The following ZNF420 variants were observed in gnomAD, a reference collection of about 807,000 sequenced individuals.
ZNF420 encodes ATM and p53-associated KZNF protein.
In ZNF420, 31 loss-of-function variants were observed where a neutral mutation model predicts 44.7. The observed-to-expected ratio is 0.69, with a 90% CI of 0.52 to 0.94. ZNF420 has a LOEUF of 0.94. ZNF420 is among the 40% of genes least tolerant of loss of function. The pLI is 0.00. For missense variants in ZNF420, 681 were observed against 827.9 expected (o/e 0.82, Z 2.18); for synonymous variants, 245 against 267.4 (o/e 0.92, Z 0.82).
chr19:37,084,265 C>T (rs902679366), intron 2 of ZNF420, among the ~76,000 whole-genome samples: 5 of 152,050 alleles, frequency 3.3e-5, no homozygotes, highest in South Asian at 2.1e-4. Flanking sequence ...TTAAAGTTCC[C>T]GAAAATAATC....
At chr19:37,107,885 T>C (rs956818399) in intron 4 of ZNF420, among the ~76,000 whole-genome samples, 9 of 152,126 alleles carry the variant, frequency 5.9e-5, no homozygotes, top group Non-Finnish European at 1.2e-4. Flanking sequence ...AATTTGGAAA[T>C]GTCTAAAGTG....
intron 1 of ZNF420, among the ~76,000 whole-genome samples, chr19:37,056,076 CTCTCACTCTCTG>C (rs1282078471): frequency 2.7e-5 from 4 of 150,178 alleles, no homozygotes; most frequent in Non-Finnish European, 5.9e-5. Flanking sequence ...CTCTCTCTGT[CTCTCACTCTCTG>C]TCTCTCTCTC....
At position 37,130,263 on chromosome 19, in the gene ZNF420, T is replaced by C. The variant is rs751954326; in HGVS notation, c.*1205T>C. The C allele has an allele frequency of 6.8e-7, 1 of 1,472,116 alleles. No individual in the cohort carries two copies. Among genetic ancestry groups the C allele is most frequent in the Non-Finnish European group, 9.0e-7 (1 of 1,109,796 alleles). 91.2% of individuals were successfully genotyped at this position (1,472,116 alleles called of 1,614,324 possible). A position where few individuals can be genotyped will look rare whatever the true frequency, so the allele number is the denominator to read the frequency against. ...GACTTTGTGGAACAGCCATACTAGC[T>C]CTGGTCTGCTTGCCTCCTGTTTCTC... is the stretch of plus-strand genomic sequence containing the variant. On this transcript the variant is annotated 3_prime_UTR_variant, in exon 5 of 5. Coordinates refer to ENST00000337995, the MANE Select transcript of ZNF420 (RefSeq NM_144689.5).
chr19:37,127,114 C>T lies in ZNF420; in HGVS notation c.137-14C>T, dbSNP rs760630791. 2 of 1,449,308 alleles carry T rather than the reference C, an allele frequency of 1.4e-6. No homozygotes were observed. Among genetic ancestry groups the T allele is most frequent in the Non-Finnish European group, 1.8e-6 (2 of 1,098,398 alleles). The allele number at this position is 1,449,308 out of a possible 1,614,324, so 89.8% of individuals were successfully genotyped here. A position where few individuals can be genotyped will look rare whatever the true frequency, so the allele number is the denominator to read the frequency against. On this transcript the variant is annotated splice_polypyrimidine_tract_variant and intron_variant, in intron 4 of 4. Coordinates refer to ENST00000337995, the MANE Select transcript of ZNF420 (RefSeq NM_144689.5). ...TTATATTTCTCAATTTTTTTATTCT[C>T]TCTTATCTTTCAGACTTGCCTTCAA...
intron 4 of ZNF420, among the ~76,000 whole-genome samples, chr19:37,122,908 AC>A (rs1207529955): frequency 6.6e-5 from 10 of 152,198 alleles, no homozygotes; most frequent in African/African-American, 2.4e-4. Context: ...TCACATACTT[AC>A]ACATTTGTGT....
intron 1 of ZNF420, among the ~76,000 whole-genome samples, chr19:37,024,015 G>A (rs2074667780): frequency 6.6e-6 from 1 of 152,044 alleles, no homozygotes; most frequent in Admixed American, 6.6e-5. Context: ...TACCCCTCCA[G>A]CATGAACATC....
Position 37,051,476 on chromosome 19 carries a change from C to T in ZNF420, c.-124-28869C>T, listed in dbSNP as rs927113342. The stretch of plus-strand genomic sequence containing the variant: ...GGGCGTATGTGTTGAGGAATTTATC[C>T]GTTTCTTCTAGATTTTCAGTTTATT... On this transcript the variant is annotated intron_variant, in intron 1 of 4. Coordinates refer to the ZNF420 transcript ENST00000587029. 3.9e-5 allele frequency among the ~76,000 whole-genome samples: 6 copies of T among 152,098 alleles called. No individual in the cohort carries two copies. The East Asian group carries it at 7.7e-4, about 19-fold the overall frequency.
chr19:37,085,712 G>A (rs867826814), intron 2 of ZNF420, among the ~76,000 whole-genome samples: 2 of 151,734 alleles, frequency 1.3e-5, no homozygotes, highest in Non-Finnish European at 2.9e-5. Context: ...CTTAGTATCC[G>A]GTAGTTTTAA....
intron 1 of ZNF420, among the ~76,000 whole-genome samples, chr19:37,050,055 T>G (rs112561186): frequency 1.3e-5 from 2 of 152,206 alleles, no homozygotes; most frequent in South Asian, 4.2e-4. Flanking sequence ...TGAGGGCTCT[T>G]TTCTGTTCCA....
At chr19:37,056,429 C>T (rs950109934) in intron 1 of ZNF420, among the ~76,000 whole-genome samples, 3 of 152,182 alleles carry the variant, frequency 2.0e-5, no homozygotes, top group African/African-American at 7.2e-5. Flanking sequence ...ACCCCATCTT[C>T]TCTTGGGGAC....
chr19:37,105,067 C>T (rs1170181040), intron 4 of ZNF420, among the ~76,000 whole-genome samples: 1 of 152,092 alleles, frequency 6.6e-6, no homozygotes, highest in East Asian at 1.9e-4. Context: ...ACATGAAGTC[C>T]TTGCCCATGC....
chr19:37,114,915 T>C (rs1568468690), intron 4 of ZNF420: 1 of 152,740 alleles, frequency 6.5e-6, no homozygotes, highest in Non-Finnish European at 1.5e-5. Context: ...AGTTCCCCGT[T>C]CTAGAAACCA....
At chr19:37,115,751 T>A (rs1432662088) in intron 4 of ZNF420, among the ~76,000 whole-genome samples, 3 of 151,794 alleles carry the variant, frequency 2.0e-5, no homozygotes. Flanking sequence ...CCTTTACGGG[T>A]GTTGGGCTGG....
Position 37,129,936 on chromosome 19 carries a change from G to A in ZNF420, c.*878G>A. ...AATAACTGATATTACAGACTATTTTGCAATGAAAAATGATGAGAGTTTGTG... is the reference window on the plus strand; with the variant it reads ...AATAACTGATATTACAGACTATTTTACAATGAAAAATGATGAGAGTTTGTG... On this transcript the variant is annotated 3_prime_UTR_variant, in exon 5 of 5. Coordinates refer to ENST00000337995, the MANE Select transcript of ZNF420 (RefSeq NM_144689.5). 2.2e-6 allele frequency: 3 copies of A among 1,372,682 alleles called. No homozygotes were observed. Among genetic ancestry groups the A allele is most frequent in the South Asian group, 1.7e-5 (1 of 57,328 alleles). 85.0% of individuals were successfully genotyped at this position (1,372,682 alleles called of 1,614,324 possible).
intron 1 of ZNF420, among the ~76,000 whole-genome samples, chr19:37,041,940 AG>A (rs1967460116): frequency 6.6e-6 from 1 of 152,140 alleles, no homozygotes; most frequent in South Asian, 2.1e-4. Context: ...TCACTTTTCC[AG>A]GTAACTCAAG....
At chr19:37,012,689 GTTC>G (rs2074579137) in intron 1 of ZNF420, among the ~76,000 whole-genome samples, 1 of 151,888 alleles carries the variant, frequency 6.6e-6, no homozygotes, top group Non-Finnish European at 1.5e-5. Context: ...CCCGAGAGTC[GTTC>G]TTCTGGAGAG....
intron 1 of ZNF420, among the ~76,000 whole-genome samples, chr19:37,022,690 G>T (rs1285626281): frequency 6.6e-6 from 1 of 152,068 alleles, no homozygotes. Flanking sequence ...TCTAGATAGT[G>T]TTCCATGTTT....
chr19:37,128,951 C>G lies in ZNF420; in HGVS notation c.1960C>G (p.Arg654Gly). The part of the protein sequence containing the change: ...QCKECGKAFT[R>G]GSQLTQHQRI... ...TAAGGAATGTGGGAAGGCCTTTACT[C>G]GTGGTTCACAGCTAACTCAACATCA... Residue 654 changes from arginine (R) to glycine (G), a missense_variant, in exon 5 of 5, where the codon CGT (arginine) becomes GGT (glycine). Around this residue, in one of 3 missense-constraint regions of ZNF420, gnomAD observed 280 missense variants for 338.6 expected, o/e 0.83. Coordinates refer to ENST00000337995, the MANE Select transcript of ZNF420 (RefSeq NM_144689.5). 6.2e-7 allele frequency: 1 copy of G among 1,614,070 alleles called. No individual in the cohort carries two copies. Among genetic ancestry groups the G allele is most frequent in the East Asian group, 2.2e-5 (1 of 44,888 alleles).
chr19:37,048,250 C>A (rs1967575560), intron 1 of ZNF420, among the ~76,000 whole-genome samples: 1 of 152,114 alleles, frequency 6.6e-6, no homozygotes, highest in African/African-American at 2.4e-5. Flanking sequence ...TCATTTTCTG[C>A]ATTACTTAGA....
Sources: allele counts gnomAD v4.1 joint callset (sites outside exome capture counted in the v4.1 genomes callset), GRCh38; gene constraint gnomAD v4.1.1; regional missense constraint gnomAD v4.1.1; transcripts MANE v1.5; gene names NCBI Gene and HGNC (gene_info 2026-07-23, HGNC 2026-07-21).